Variants in NAP1L1 observed in about 807,000 individuals in gnomAD.
The protein encoded by NAP1L1 is nucleosome assembly protein 1-like 1.
Under a neutral mutation model 58.9 loss-of-function variants are expected in NAP1L1, and 9 were observed. That is an observed-to-expected ratio of 0.15 (90% confidence interval 0.09 to 0.27). The LOEUF (loss-of-function observed/expected upper bound fraction) is 0.27, where lower values mean the gene tolerates loss of function less well. Ranked by LOEUF, NAP1L1 falls within the 10% of genes least tolerant of loss-of-function variation. The pLI, the probability that NAP1L1 is intolerant of heterozygous loss-of-function variation, is 1.00. For missense variants in NAP1L1, 302 were observed against 458.8 expected (o/e 0.66, Z 3.12); for synonymous variants, 130 against 138.3 (o/e 0.94, Z 0.42).
intron 4 of NAP1L1, among the ~76,000 whole-genome samples, chr12:76,061,959 T>A (rs1014541616): frequency 6.6e-6 from 1 of 152,146 alleles, no homozygotes; most frequent in African/African-American, 2.4e-5. Context: ...ACACACACCA[T>A]AAGCAATTTC....
chr12:76,057,497 G>A (rs1195897539), intron 6 of NAP1L1: 2 of 674,900 alleles, frequency 3.0e-6, no homozygotes, highest in African/African-American at 1.8e-5. Context: ...AGTGGCGGGA[G>A]CAGAGCTGGC....
Position 76,059,798 on chromosome 12 carries a change from C to T in NAP1L1, c.429G>A (p.Ser143=), listed in dbSNP as rs1294562834. ...ATACCAAAATAAAGTTGGTACTAAC[C>T]GAAATCTCATCTTCTTCATCTGGTT... ...EWKPDEEDEI[S]EELKEKAKIE... is the part of the protein sequence containing the mutation. The change falls in exon 6 of 15, where the codon TCG becomes TCA. Residue 143 remains serine, a splice_region_variant and synonymous_variant. Coordinates refer to ENST00000618691, the MANE Select transcript of NAP1L1 (RefSeq NM_004537.7). The T allele has an allele frequency of 1.3e-6, 2 of 1,595,160 alleles. No homozygotes were observed. The highest frequency in any genetic ancestry group is 1.3e-5 in the African/African-American group (1 of 74,166).
rs755732251 is a variant in NAP1L1 at position 76,050,590 on chromosome 12, T to C, written c.1000A>G (p.Ile334Val). ...AAATATAACACTGATCTTGGGATTA[T>C]ACGCTCACGTAAAAAGTGACCAATT... ...FEIGHFLRER[I>V]IPRSVLYFTG... The change falls in exon 12 of 15, where the codon ATA becomes GTA. Residue 334 changes from isoleucine (I) to valine (V), a missense_variant. Ile to Val is a conservative substitution (Grantham distance 29). Transcript: ENST00000618691. 1 of 1,613,258 alleles carries C rather than the reference T, an allele frequency of 6.2e-7. No individual in the cohort carries two copies.
rs1217603933 is a variant in NAP1L1 at position 76,037,355 on chromosome 12, T to TAAAAAA, written c.*11073_*11074insTTTTTT. Reference sequence around the variant, plus strand: ...TGCTTTATAATGAGTGCTTAGCGCTTTTTTTTAACTGTAGTACAAACACAA... The same window carrying TAAAAAA: ...TGCTTTATAATGAGTGCTTAGCGCTTAAAAAATTTTTTAACTGTAGTACAAACACAA... On this transcript the variant is annotated 3_prime_UTR_variant, in exon 15 of 15. Coordinates refer to ENST00000618691, the MANE Select transcript of NAP1L1 (RefSeq NM_004537.7). 5 of 152,270 alleles carry TAAAAAA rather than the reference T, an allele frequency of 3.3e-5. No homozygotes were observed. Among genetic ancestry groups the TAAAAAA allele is most frequent in the Non-Finnish European group, 5.9e-5 (4 of 68,048 alleles). The allele number at this position is 152,270 out of a possible 1,614,324, so 9.4% of individuals were successfully genotyped here.
chr12:76,057,881 G>C, intron 6 of NAP1L1: 2 of 1,420,654 alleles, frequency 1.4e-6, no homozygotes, highest in Non-Finnish European at 2.0e-6. Context: ...ACCACAAAAG[G>C]TTACTATAGC....
At chr12:76,081,721 T>G (rs949384544) in intron 1 of NAP1L1, among the ~76,000 whole-genome samples, 4 of 152,220 alleles carry the variant, frequency 2.6e-5, no homozygotes, top group South Asian at 4.1e-4. Flanking sequence ...AGCCCACTAA[T>G]GTACTCTAAT....
At chr12:76,057,341 A>G in intron 6 of NAP1L1, 1 of 365,582 alleles carries the variant, frequency 2.7e-6, no homozygotes, top group Non-Finnish European at 5.2e-6. Flanking sequence ...TTGAGTACAG[A>G]TGGTGGTGCC....
At chr12:76,083,718 G>C (rs1950498350) in intron 1 of NAP1L1, 1 of 152,164 alleles carries the variant, frequency 6.6e-6, no homozygotes, top group African/African-American at 2.4e-5. Context: ...ACTAGCAGTG[G>C]AGGCCCTTCC....
At chr12:76,082,792 A>G (rs189071847) in intron 1 of NAP1L1, among the ~76,000 whole-genome samples, 1 of 152,328 alleles carries the variant, frequency 6.6e-6, no homozygotes, top group East Asian at 1.9e-4. Flanking sequence ...TTTTTCCCTT[A>G]TTCAATCAAA....
chr12:76,050,493 C>G (rs1948766403), intron 12 of NAP1L1, 38 bp downstream of exon 12: 3 of 1,584,630 alleles, frequency 1.9e-6, no homozygotes, highest in Non-Finnish European at 2.6e-6. Flanking sequence ...ACTATACCCT[C>G]AACCAATTAT....
chr12:76,050,542 C>A lies in NAP1L1; in HGVS notation c.1048G>T (p.Asp350Tyr). The change falls in exon 12 of 15, where the codon GAT becomes TAT. Residue 350 changes from aspartate (D) to tyrosine (Y), a missense_variant. By Grantham distance (160) the Asp-to-Tyr change is radical. Transcript: ENST00000618691. ...LYFTGEAIED[D>Y]DDDYDEEGEE... ...TCAAATTCGCTTACATCATCATCAT[C>A]ATCTTCAATAGCTTCTCCAGTAAAA... 1 of 1,606,260 alleles carries A rather than the reference C, an allele frequency of 6.2e-7. No individual in the cohort carries two copies. Among genetic ancestry groups the A allele is most frequent in the Non-Finnish European group, 8.5e-7 (1 of 1,177,998 alleles).
rs1391287820 is a variant in NAP1L1, at chr12:76,053,347, G to A, written c.774C>T (p.Cys258=). Residue 258 remains cysteine, a synonymous_variant, in exon 10 of 15, where the codon TGC becomes TGT. Transcript: ENST00000618691. ...TCTTTCCTTTTTTCCAATCTATCTG[G>A]CACCTTGCAAAACAAAGAAGAAAAA... is the stretch of plus-strand genomic sequence containing the variant. ...DGPEIMGCTG[C]QIDWKKGKNV... 6.2e-7 allele frequency: 1 copy of A among 1,607,280 alleles called. No homozygotes were observed. The highest frequency in any genetic ancestry group is 1.1e-5 in the South Asian group (1 of 88,898).
rs368688401 is a variant in NAP1L1, at chr12:76,064,787, T to C, written c.206+2584A>G. On this transcript the variant is annotated intron_variant, in intron 4 of 14. Coordinates refer to ENST00000618691, the MANE Select transcript of NAP1L1 (RefSeq NM_004537.7). ...TGATGAGAGAACTTGAATAAATTAG[T>C]ATGTTTAAAAAAAAAAAAATTCTCC... Among the ~76,000 whole-genome samples, 293 of 151,656 alleles carry C rather than the reference T, an allele frequency of 1.9e-3. 4 individuals are homozygous for C. The highest frequency in any genetic ancestry group is 6.8e-3 in the Middle Eastern group (2 of 294).
In NAP1L1 at chr12:76,038,202, A is replaced by C; in HGVS notation, c.*10227T>G. 1 of 152,170 alleles carries C rather than the reference A, an allele frequency of 6.6e-6. No individual in the cohort carries two copies. Among genetic ancestry groups the C allele is most frequent in the Non-Finnish European group, 1.5e-5 (1 of 68,028 alleles). The allele number at this position is 152,170 out of a possible 1,614,324, so 9.4% of individuals were successfully genotyped here. On this transcript the variant is annotated 3_prime_UTR_variant, in exon 15 of 15. Transcript: ENST00000618691. The stretch of plus-strand genomic sequence containing the variant: ...GTGACAAGATACCCCAGTAACTAAG[A>C]GTGGAAGCAATCCTCTGTCCCCACT...
At chr12:76,057,375 A>C (rs1394358049) in intron 6 of NAP1L1, 5 of 420,178 alleles carry the variant, frequency 1.2e-5, no homozygotes, top group Admixed American at 7.0e-5. Flanking sequence ...GTTCATCTGC[A>C]TTATCATTCT....
Position 76,045,864 on chromosome 12 carries a change from T to G in NAP1L1, c.*2565A>C, listed in dbSNP as rs1333207258. On this transcript the variant is annotated 3_prime_UTR_variant, in exon 15 of 15. Transcript: ENST00000618691. ...ATTTCTAACAGGAAAAAATGAGACT[T>G]ACTTGGCAGTGTGCATGGGCTGCTG... The G allele has an allele frequency of 1.3e-5, 2 of 152,058 alleles. No homozygotes were observed. Among genetic ancestry groups the G allele is most frequent in the Non-Finnish European group, 2.9e-5 (2 of 67,908 alleles). The allele number at this position is 152,058 out of a possible 1,614,324, so 9.4% of individuals were successfully genotyped here.
intron 4 of NAP1L1, among the ~76,000 whole-genome samples, chr12:76,066,206 CA>C (rs1214142501): frequency 6.6e-6 from 1 of 151,512 alleles, no homozygotes; most frequent in Non-Finnish European, 1.5e-5. Context: ...AGCCTACGTA[CA>C]ACTAATACAA....
At chr12:76,053,135 C>T in intron 10 of NAP1L1, 25 bp from the exon 11 acceptor site, 4 of 1,612,446 alleles carry the variant, frequency 2.5e-6, no homozygotes, top group Non-Finnish European at 3.4e-6. Flanking sequence ...AAAGAAATTA[C>T]AATGAATAAG....
At chr12:76,057,394 G>C in intron 6 of NAP1L1, 3 of 451,396 alleles carry the variant, frequency 6.6e-6, no homozygotes, top group Non-Finnish European at 1.2e-5. Flanking sequence ...CTTACAAAAA[G>C]GAAAAATATT....
Sources: gnomAD v4.1 joint callset for allele counts (sites outside exome capture counted in the v4.1 genomes callset) on GRCh38, gnomAD v4.1.1 for gene constraint, MANE v1.5 for transcripts, NCBI Gene and HGNC (gene_info 2026-07-23, HGNC 2026-07-21) for gene names.